SPAG17: variants seen among roughly 807,000 people sequenced by gnomAD.
The protein encoded by SPAG17 is sperm associated antigen 17.
In SPAG17, 169 loss-of-function variants were observed where a neutral mutation model predicts 273.6. The observed-to-expected ratio is 0.62, with a 90% CI of 0.55 to 0.70. The LOEUF is 0.70. Ranked by LOEUF, SPAG17 falls within the 30% of genes least tolerant of loss-of-function variation. The pLI, the probability that SPAG17 is intolerant of heterozygous loss-of-function variation, is 0.00. For synonymous variants in SPAG17, 825 were observed against 873.2 expected, an observed-to-expected ratio of 0.94 and a Z score of 0.97; for missense variants, 2,557 against 2,627.8, an observed-to-expected ratio of 0.97 and a Z score of 0.59.
At chr1:118,126,502 C>T (rs530072104) in intron 3 of SPAG17, among the ~76,000 whole-genome samples, 21 of 151,882 alleles carry the variant, frequency 1.4e-4, no homozygotes, top group South Asian at 4.2e-4. Context: ...TGTGAGCCAC[C>T]GCGCCCGGCC....
chr1:117,996,833 G>T, intron 32 of SPAG17, 90 bp from the exon 33 acceptor site: 1 of 1,349,012 alleles, frequency 7.4e-7, no homozygotes, highest in South Asian at 1.5e-5. Flanking sequence ...CAGATGATTT[G>T]GTGGGTTTAC....
rs12403184 is a variant in SPAG17, at chr1:118,100,882, G to C, written c.634+858C>G. 9.1e-3 allele frequency among the ~76,000 whole-genome samples: 1,379 copies of C among 152,268 alleles called. 44 individuals carry two copies. Among genetic ancestry groups the C allele is most frequent in the Admixed American group, 0.071 (1,081 of 15,286 alleles). The stretch of plus-strand genomic sequence containing the variant: ...CTATCCAGGGCAAAATGATTGTGGG[G>C]GAGTTGGGGTAGGAAACTATGTGCT... On this transcript the variant is annotated intron_variant, in intron 5 of 48. Transcript: ENST00000336338.
Position 117,973,510 on chromosome 1 carries a change from T to A in SPAG17, c.6056A>T (p.Asp2019Val), listed in dbSNP as rs1171274319. The A allele has an allele frequency of 6.2e-7, 1 of 1,614,122 alleles. No homozygotes were observed. The highest frequency in any genetic ancestry group is 2.2e-5 in the East Asian group (1 of 44,880). ...TTCTTTTCTTGTTTGTCCCGCAACA[T>A]CCTGCAGCAAGGACTGGGTTGGAAT... is the stretch of plus-strand genomic sequence containing the variant. Reference protein sequence around the residue: ...VKIPTQSLLQDVAGQTRKEKV... With the variant: ...VKIPTQSLLQVVAGQTRKEKV... Residue 2019 changes from aspartate (D) to valine (V), a missense_variant, in exon 44 of 49, where the codon GAT becomes GTT. Transcript: ENST00000336338.
chr1:118,045,971 A>G (rs1480236759), intron 20 of SPAG17, among the ~76,000 whole-genome samples: 2 of 152,226 alleles, frequency 1.3e-5, no homozygotes, highest in South Asian at 2.1e-4. Context: ...CTCCCAGAAC[A>G]TAAAGAAGAA....
chr1:118,010,694 A>T, intron 30 of SPAG17, among the ~76,000 whole-genome samples: 1 of 152,226 alleles, frequency 6.6e-6, no homozygotes, highest in East Asian at 1.9e-4. Flanking sequence ...CAATTGCAAC[A>T]AAAGCAAAAA....
intron 13 of SPAG17, among the ~76,000 whole-genome samples, chr1:118,082,474 G>C (rs1003970120): frequency 5.9e-5 from 9 of 152,220 alleles, no homozygotes; most frequent in Non-Finnish European, 1.2e-4. Context: ...ATTCAGAAGA[G>C]AGACAAGGAA....
At chr1:118,031,984 A>G (rs2101886517) in intron 24 of SPAG17, 117 bp from the exon 25 acceptor site, 1 of 759,902 alleles carries the variant, frequency 1.3e-6, no homozygotes, top group East Asian at 2.7e-5. Context: ...TACCTTGCTA[A>G]ATATGATTTA....
chr1:118,057,224 T>A (rs1450771551), intron 18 of SPAG17, among the ~76,000 whole-genome samples: 2 of 152,212 alleles, frequency 1.3e-5, no homozygotes, highest in African/African-American at 2.4e-5. Flanking sequence ...AAAAGACATG[T>A]ATTTATAATA....
chr1:118,005,024 C>A (rs563876274), intron 32 of SPAG17, among the ~76,000 whole-genome samples: 58 of 152,322 alleles, frequency 3.8e-4, no homozygotes, highest in African/African-American at 1.3e-3. Context: ...ATCCTTCTTA[C>A]CATCTTACTC....
chr1:118,041,563 T>G (rs1383158016), intron 21 of SPAG17, among the ~76,000 whole-genome samples: 1 of 152,102 alleles, frequency 6.6e-6, no homozygotes, highest in Non-Finnish European at 1.5e-5. Flanking sequence ...TTTATTGACC[T>G]TAGCTAGGTT....
At chr1:118,005,171 T>C (rs997283507) in intron 32 of SPAG17, among the ~76,000 whole-genome samples, 2 of 152,222 alleles carry the variant, frequency 1.3e-5, no homozygotes, top group African/African-American at 4.8e-5. Context: ...TCTGTTCTAA[T>C]TATTTATTTA....
chr1:117,955,459 CT>C (rs2101257621), intron 48 of SPAG17: 1 of 1,142,686 alleles, frequency 8.8e-7, no homozygotes, highest in Non-Finnish European at 1.3e-6. Context: ...TGATGGTTAT[CT>C]TATAGGTTTA....
Position 118,066,783 on chromosome 1 carries a change from T to C in SPAG17, c.2502A>G (p.Glu834=), listed in dbSNP as rs893915548. Residue 834 remains glutamate, a synonymous_variant, in exon 18 of 49, where the codon GAA becomes GAG. Transcript: ENST00000336338. ...TGGAGTGGAGAGCAATGTTCCAATA[T>C]TCACAATGCAAACGTTGTCTATTCA... ...NPMNRQRLHC[E]YWNIALHSNV... The C allele has an allele frequency of 6.2e-7, 1 of 1,613,154 alleles. No homozygotes were observed. The highest frequency in any genetic ancestry group is 1.7e-5 in the Admixed American group (1 of 59,860).
At chr1:118,173,707 C>T (rs1660520855) in intron 1 of SPAG17, among the ~76,000 whole-genome samples, 1 of 151,900 alleles carries the variant, frequency 6.6e-6, no homozygotes, top group Non-Finnish European at 1.5e-5. Context: ...CAAAGCAATA[C>T]AAAAATTAGC....
intron 4 of SPAG17, among the ~76,000 whole-genome samples, chr1:118,109,465 G>C (rs1484876399): frequency 6.7e-6 from 1 of 150,202 alleles, no homozygotes; most frequent in East Asian, 2.0e-4. Flanking sequence ...TGAGGCAGGA[G>C]AATCACTTGA....
chr1:118,039,800 C>A (rs1649527182), intron 22 of SPAG17, among the ~76,000 whole-genome samples: 2 of 152,060 alleles, frequency 1.3e-5, no homozygotes, highest in Non-Finnish European at 2.9e-5. Context: ...AAAAAGGCAG[C>A]ATAGAATATA....
At chr1:118,050,729 C>A (rs111315605) in intron 20 of SPAG17, among the ~76,000 whole-genome samples, 1 of 152,152 alleles carries the variant, frequency 6.6e-6, no homozygotes, top group African/African-American at 2.4e-5. Context: ...TGTGCATGCA[C>A]AAAAACAACA....
chr1:118,112,366 A>AAG (rs1656811514), intron 4 of SPAG17, among the ~76,000 whole-genome samples: 1 of 152,096 alleles, frequency 6.6e-6, no homozygotes, highest in African/African-American at 2.4e-5. Context: ...ATATTTGTTC[A>AAG]GTACATTGCT....
chr1:118,096,973 G>C (rs571565651), intron 7 of SPAG17, among the ~76,000 whole-genome samples: 1 of 152,252 alleles, frequency 6.6e-6, no homozygotes, highest in East Asian at 1.9e-4. Flanking sequence ...GGTGGCTCAC[G>C]CCTGTAATCC....
Sources: allele counts gnomAD v4.1 joint callset (sites outside exome capture counted in the v4.1 genomes callset), GRCh38; gene constraint gnomAD v4.1.1; transcripts MANE v1.5; gene names NCBI Gene and HGNC (gene_info 2026-07-23, HGNC 2026-07-21).